The following PACS2 variants were observed in gnomAD, a reference collection of about 807,000 sequenced individuals.
PACS2 encodes the protein PACS1-like protein.
In PACS2, 36 loss-of-function variants were observed where a neutral mutation model predicts 113.0. That is an observed-to-expected ratio of 0.32 (90% CI 0.24 to 0.42). PACS2 has a LOEUF of 0.42. Among genes scored for constraint, PACS2 ranks in the 10% least tolerant of loss-of-function variants. The pLI, the probability that PACS2 is intolerant of heterozygous loss-of-function variation, is 1.00. For missense variants in PACS2, 1,015 were observed against 1,239.5 expected, an observed-to-expected ratio of 0.82 and a Z score of 2.72; for synonymous variants, 589 against 536.1, an observed-to-expected ratio of 1.10 and a Z score of -1.36.
At position 105,324,904 on chromosome 14, in the gene PACS2, C is replaced by A. The variant is rs912726252; in HGVS notation, c.119+9867C>A. Among the ~76,000 whole-genome samples the A allele has an allele frequency of 1.3e-5, 2 of 152,082 alleles. No individual in the cohort carries two copies. Among genetic ancestry groups the A allele is most frequent in the African/African-American group, 4.8e-5 (2 of 41,404 alleles). On this transcript the variant is annotated intron_variant, in intron 1 of 24. Transcript: ENST00000447393. This position sits in a 1 kb window ranked among gnomAD's most constrained non-coding sequence, Gnocchi z 4.7. ...CAGAGGAGTCAGGACCCAAAAGGGG[C>A]AGAAATGGGCAAGGGAAGACACTGG...
chr14:105,394,721 A>G lies in PACS2; in HGVS notation c.*49A>G. 8.8e-7 allele frequency: 1 copy of G among 1,138,932 alleles called. No individual in the cohort carries two copies. The highest frequency in any genetic ancestry group is 1.3e-6 in the Non-Finnish European group (1 of 747,232). The allele number at this position is 1,138,932 out of a possible 1,614,324, so 70.6% of individuals were successfully genotyped here. A position where few individuals can be genotyped will look rare whatever the true frequency, so the allele number is the denominator to read the frequency against. ...TCCTGCCCCATGCTGTGAGGGGCCC[A>G]GCTGCATTTCTGTTAACATTTCAGT... On this transcript the variant is annotated 3_prime_UTR_variant, in exon 25 of 25. Coordinates refer to ENST00000447393, the MANE Select transcript of PACS2 (RefSeq NM_001100913.3).
At chr14:105,393,070 G>T in intron 23 of PACS2, 152 bp from the exon 24 acceptor site, 1 of 714,168 alleles carries the variant, frequency 1.4e-6, no homozygotes, top group Non-Finnish European at 2.4e-6. Context: ...CAGGAGAGCA[G>T]CTGTCCTCAG....
chr14:105,393,650 T>C, intron 24 of PACS2: 1 of 262,296 alleles, frequency 3.8e-6, no homozygotes, highest in Non-Finnish European at 7.2e-6. Flanking sequence ...AGTGCAATGG[T>C]GTGATCTCAG....
intron 15 of PACS2, 75 bp from the exon 16 acceptor site, chr14:105,383,284 C>A: frequency 6.5e-7 from 1 of 1,544,766 alleles, no homozygotes; most frequent in Non-Finnish European, 8.8e-7. Context: ...TGGGCTCACA[C>A]TGGCATCCTT....
At position 105,365,834 on chromosome 14, in the gene PACS2, G is replaced by A. The variant is rs1463922411; in HGVS notation, c.424-1379G>A. ...CTCTGAGAAGGCGACTCAGGGTGCT[G>A]GGGGCCTGGACAACAGCAGCCTCCA... On this transcript the variant is annotated intron_variant, in intron 4 of 24. Coordinates refer to ENST00000447393, the MANE Select transcript of PACS2 (RefSeq NM_001100913.3). This position sits in a 1 kb window ranked among gnomAD's most constrained non-coding sequence, Gnocchi z 5.1. Among the ~76,000 whole-genome samples, 1 of 152,192 alleles carries A rather than the reference G, an allele frequency of 6.6e-6. No homozygotes were observed. Among genetic ancestry groups the A allele is most frequent in the Admixed American group, 6.5e-5 (1 of 15,276 alleles).
chr14:105,388,558 A>C (rs2141284164), intron 19 of PACS2: 1 of 152,300 alleles, frequency 6.6e-6, no homozygotes, highest in Non-Finnish European at 1.5e-5. Flanking sequence ...CCTGTGCTGG[A>C]CGACAACCCA....
At chr14:105,363,656 C>G (rs1352506314) in intron 4 of PACS2, among the ~76,000 whole-genome samples, 1 of 152,208 alleles carries the variant, frequency 6.6e-6, no homozygotes, top group East Asian at 1.9e-4. Context: ...TGAGGCTGCT[C>G]TGCTGATTCT....
chr14:105,312,362 G>A (rs868481611), upstream of PACS2, among the ~76,000 whole-genome samples: 1 of 152,210 alleles, frequency 6.6e-6, no homozygotes, highest in African/African-American at 2.4e-5. Context: ...AACCTCCGGG[G>A]ACCCCGGGCA....
intron 8 of PACS2, among the ~76,000 whole-genome samples, chr14:105,375,481 C>CAAAAAA (rs34549878): frequency 1.2e-4 from 6 of 51,316 alleles, no homozygotes; most frequent in Admixed American, 1.9e-4. Context: ...GACTCCATCT[C>CAAAAAA]AAAAAAAAAA....
rs1488017154 is a variant in PACS2 at position 105,394,363 on chromosome 14, G to A, written c.2597-191G>A. ...GAGTGTGGAGGGCAGGGGCAGGAAT[G>A]GCGTCCCTCAGGAGCCAGCATGGCC... On this transcript the variant is annotated intron_variant, in intron 24 of 24. Transcript: ENST00000447393. 25 of 985,268 alleles carry A rather than the reference G, an allele frequency of 2.5e-5. No homozygotes were observed. The African/African-American group carries it at 4.2e-4, about 17-fold the overall frequency. 61.0% of individuals were successfully genotyped at this position (985,268 alleles called of 1,614,324 possible). A position where few individuals can be genotyped will look rare whatever the true frequency, so the allele number is the denominator to read the frequency against.
intron 1 of PACS2, among the ~76,000 whole-genome samples, chr14:105,322,666 G>A (rs886144927): frequency 5.3e-5 from 8 of 152,086 alleles, no homozygotes; most frequent in African/African-American, 1.7e-4. Flanking sequence ...ACCCTTTCAT[G>A]TTTATATTTA....
intron 9 of PACS2, among the ~76,000 whole-genome samples, chr14:105,379,169 T>C (rs1555411261): frequency 6.6e-6 from 1 of 151,400 alleles, no homozygotes; most frequent in Non-Finnish European, 1.5e-5. Context: ...GTGTGGATAG[T>C]GTGGAAAGGC....
At chr14:105,378,286 G>A (rs1347719967) in intron 9 of PACS2, among the ~76,000 whole-genome samples, 2 of 152,246 alleles carry the variant, frequency 1.3e-5, no homozygotes, top group South Asian at 2.1e-4. Flanking sequence ...TTTGAGGAGA[G>A]GCGTGTGCGT....
rs1307777187 is a variant in PACS2 at position 105,354,459 on chromosome 14, G to A, written c.298-593G>A. ...CATGCTCAGGCATGTCAGCACCACC[G>A]CAGTTAGGGTGGTGAACAGCCCCAT... On this transcript the variant is annotated intron_variant, in intron 3 of 24. Coordinates refer to ENST00000447393, the MANE Select transcript of PACS2 (RefSeq NM_001100913.3). The surrounding 1 kb of genome is among the most constrained non-coding windows in gnomAD (Gnocchi z 4.2). Among the ~76,000 whole-genome samples, 7 of 152,150 alleles carry A rather than the reference G, an allele frequency of 4.6e-5. No homozygotes were observed. Among genetic ancestry groups the A allele is most frequent in the African/African-American group, 1.4e-4 (6 of 41,426 alleles).
In PACS2 at chr14:105,354,733, C is replaced by A. The variant is rs1555404963; in HGVS notation, c.298-319C>A. Among the ~76,000 whole-genome samples the A allele has an allele frequency of 6.6e-6, 1 of 152,228 alleles. No individual in the cohort carries two copies. On this transcript the variant is annotated intron_variant, in intron 3 of 24. Coordinates refer to ENST00000447393, the MANE Select transcript of PACS2 (RefSeq NM_001100913.3). This position sits in a 1 kb window ranked among gnomAD's most constrained non-coding sequence, Gnocchi z 4.2. ...GAGCCGCCACACTGTTTCCGAGTGT[C>A]CACAGGCGCGCTCGGCCATCCCGGA...
Position 105,376,680 on chromosome 14 carries a change from G to C in PACS2, c.802-88G>C. 7.6e-7 allele frequency: 1 copy of C among 1,310,804 alleles called. No individual in the cohort carries two copies. Among genetic ancestry groups the C allele is most frequent in the Non-Finnish European group, 1.1e-6 (1 of 939,982 alleles). 81.2% of individuals were successfully genotyped at this position (1,310,804 alleles called of 1,614,324 possible). On this transcript the variant is annotated intron_variant, in intron 8 of 24. Transcript: ENST00000447393. The surrounding 1 kb of genome is among the most constrained non-coding windows in gnomAD (Gnocchi z 4.7). ...GGTGGCTGGGTGCCCGCCTCCTATT[G>C]CTCCTGCAGACTCTGGGGTCTCGGG...
rs1555411381 is a variant in PACS2 at position 105,379,616 on chromosome 14, C to T, written c.960-123C>T. On this transcript the variant is annotated intron_variant, in intron 9 of 24. Coordinates refer to ENST00000447393, the MANE Select transcript of PACS2 (RefSeq NM_001100913.3). ...CGCTGACACGGGCTCTTCTCTGGAC[C>T]CAGCTCTGCTCTGCCGTTGGATTCT... The T allele has an allele frequency of 3.9e-6, 3 of 768,154 alleles. No homozygotes were observed. In the Admixed American group the frequency reaches 6.0e-5, roughly 15 times the overall value. The allele number at this position is 768,154 out of a possible 1,614,324, so 47.6% of individuals were successfully genotyped here.
At chr14:105,327,206 G>A (rs116194592) in intron 1 of PACS2, among the ~76,000 whole-genome samples, 43 of 152,340 alleles carry the variant, frequency 2.8e-4, no homozygotes, top group African/African-American at 9.9e-4. Context: ...GCCTGACCTG[G>A]CCACACAGAG....
In PACS2 at chr14:105,369,903, G is replaced by T; in HGVS notation, c.801+3G>T. The T allele has an allele frequency of 6.2e-7, 1 of 1,600,254 alleles. No homozygotes were observed. Among genetic ancestry groups the T allele is most frequent in the Non-Finnish European group, 8.5e-7 (1 of 1,177,360 alleles). ...GGAGGTTCAAAGTGTCCGACGAGGT[G>T]AGTGCGCCGCGCCTTCTGCTCGCGG... On this transcript the variant is annotated splice_donor_region_variant and intron_variant, in intron 8 of 24. Transcript: ENST00000447393.
Sources: allele counts gnomAD v4.1 joint callset (sites outside exome capture counted in the v4.1 genomes callset), GRCh38; gene constraint gnomAD v4.1.1; non-coding constraint Gnocchi (gnomAD v3.1); transcripts MANE v1.5; gene names NCBI Gene and HGNC (gene_info 2026-07-23, HGNC 2026-07-21).